Variants in STK38L observed in about 807,000 individuals in gnomAD.
STK38L encodes the protein serine/threonine-protein kinase 38-like.
In STK38L, 28 loss-of-function variants were observed where a neutral mutation model predicts 59.7. The ratio of observed to expected loss-of-function variants is 0.47; its 90% CI spans 0.35 to 0.64. The LOEUF (loss-of-function observed/expected upper bound fraction) is 0.64, where lower values mean the gene tolerates loss of function less well. STK38L is among the 30% of genes least tolerant of loss of function. STK38L has a pLI of 0.01. For synonymous variants in STK38L, 162 were observed against 176.8 expected (o/e 0.92, Z 0.66); for missense variants, 314 against 555.8 (o/e 0.56, Z 4.37).
chr12:27,309,224 T>C (rs1357480694), intron 5 of STK38L, 27 bp downstream of exon 5: 2 of 1,523,524 alleles, frequency 1.3e-6, no homozygotes, highest in Non-Finnish European at 8.9e-7. Flanking sequence ...ACATGTAATA[T>C]AAAGGAGCAT....
chr12:27,309,026 A>C, intron 4 of STK38L, 88 bp from the exon 5 acceptor site: 1 of 719,776 alleles, frequency 1.4e-6, no homozygotes, highest in Non-Finnish European at 1.9e-6. Context: ...CAACACTGGC[A>C]AATTCCTGCT....
At chr12:27,268,636 T>C (rs1407032871) in intron 1 of STK38L, among the ~76,000 whole-genome samples, 3 of 152,208 alleles carry the variant, frequency 2.0e-5, no homozygotes, top group Admixed American at 1.3e-4. Context: ...ATATACCCAG[T>C]AATGGGATTG....
chr12:27,298,792 G>C (rs1944093379), intron 2 of STK38L, among the ~76,000 whole-genome samples: 1 of 152,166 alleles, frequency 6.6e-6, no homozygotes, highest in South Asian at 2.1e-4. Context: ...ACCAGGTCAG[G>C]CAGTGTCCAA....
rs1254920881 is a variant in STK38L at position 27,317,465 on chromosome 12, CA to C, written c.955+13del. On this transcript the variant is annotated intron_variant, in intron 10 of 13. Transcript: ENST00000389032. ...TGAAATGCTAATAGGTATGTTTTATCATTCATTTATGTACAAAATATATACA... is the reference window on the plus strand; with the variant it reads ...TGAAATGCTAATAGGTATGTTTTATCTTCATTTATGTACAAAATATATACA... 6 of 1,562,420 alleles carry C rather than the reference CA, an allele frequency of 3.8e-6. No homozygotes were observed. The Admixed American group carries it at 1.1e-4, about 28-fold the overall frequency.
intron 1 of STK38L, among the ~76,000 whole-genome samples, chr12:27,259,854 TTA>T: frequency 6.6e-6 from 1 of 152,354 alleles, no homozygotes; most frequent in South Asian, 2.1e-4. Flanking sequence ...GGCATCCATG[TTA>T]TGTGTCCCTC....
intron 1 of STK38L, among the ~76,000 whole-genome samples, chr12:27,287,591 A>G (rs1943801979): frequency 6.6e-6 from 1 of 152,170 alleles, no homozygotes; most frequent in Admixed American, 6.5e-5. Context: ...AAGATCCAGT[A>G]GTTATCCATC....
intron 1 of STK38L, among the ~76,000 whole-genome samples, chr12:27,260,920 T>C (rs1336147626): frequency 2.0e-5 from 3 of 152,218 alleles, no homozygotes; most frequent in Non-Finnish European, 4.4e-5. Flanking sequence ...TAGACTTCTG[T>C]TGTTGAGAGC....
Position 27,257,092 on chromosome 12 carries a change from A to G in STK38L, c.-12+12760A>G, listed in dbSNP as rs536701647. 7.2e-5 allele frequency among the ~76,000 whole-genome samples: 11 copies of G among 152,346 alleles called. No individual in the cohort carries two copies. The South Asian group carries it at 2.3e-3, about 32-fold the overall frequency. ...TTACGGGAATTTACTTATAGTTAGC[A>G]AGTGATGGAGAGACTGACACAAAAC... On this transcript the variant is annotated intron_variant, in intron 1 of 13. Coordinates refer to ENST00000389032, the MANE Select transcript of STK38L (RefSeq NM_015000.4).
chr12:27,303,574 A>ATTG (rs1944233049), intron 3 of STK38L, among the ~76,000 whole-genome samples: 1 of 152,190 alleles, frequency 6.6e-6, no homozygotes, highest in South Asian at 2.1e-4. Context: ...ATAAACAAAT[A>ATTG]ATGGCTTTTG....
chr12:27,291,030 A>G (rs776517695), intron 1 of STK38L, among the ~76,000 whole-genome samples: 1 of 152,122 alleles, frequency 6.6e-6, no homozygotes, highest in African/African-American at 2.4e-5. Flanking sequence ...AGCATAATCT[A>G]TCCGAAGTGC....
chr12:27,275,482 C>T (rs1274375196), intron 1 of STK38L, among the ~76,000 whole-genome samples: 1 of 151,912 alleles, frequency 6.6e-6, no homozygotes, highest in African/African-American at 2.4e-5. Context: ...GGATTACAGG[C>T]ACCTGCCACC....
intron 1 of STK38L, among the ~76,000 whole-genome samples, chr12:27,258,055 C>T (rs1252856944): frequency 6.6e-6 from 1 of 151,828 alleles, no homozygotes; most frequent in African/African-American, 2.4e-5. Context: ...TGGGGTTTTA[C>T]CATGTTGGCT....
At chr12:27,261,362 A>C (rs1943200865) in intron 1 of STK38L, among the ~76,000 whole-genome samples, 1 of 152,218 alleles carries the variant, frequency 6.6e-6, no homozygotes, top group Non-Finnish European at 1.5e-5. Context: ...GTCCCATTTC[A>C]TCAAATCTCA....
intron 1 of STK38L, among the ~76,000 whole-genome samples, chr12:27,286,464 A>T (rs1266132438): frequency 6.6e-6 from 1 of 152,216 alleles, no homozygotes. Flanking sequence ...TTGTACTTGA[A>T]AATAGAACTT....
intron 1 of STK38L, among the ~76,000 whole-genome samples, chr12:27,277,341 C>T (rs1943558101): frequency 8.8e-6 from 1 of 113,516 alleles, no homozygotes. Flanking sequence ...AGAGCAAGAC[C>T]TCCATCTCAA....
Position 27,323,111 on chromosome 12 carries a change from C to T in STK38L, c.*656C>T, listed in dbSNP as rs181521480. ...ATAATAAGGAAGACAAAGTTTAACA[C>T]CTTCACTCAAGCACTCCACTAATAT... On this transcript the variant is annotated 3_prime_UTR_variant, in exon 14 of 14. Coordinates refer to ENST00000389032, the MANE Select transcript of STK38L (RefSeq NM_015000.4). 4 of 152,186 alleles carry T rather than the reference C, an allele frequency of 2.6e-5. No homozygotes were observed. Among genetic ancestry groups the T allele is most frequent in the Non-Finnish European group, 4.4e-5 (3 of 68,022 alleles). 9.4% of individuals were successfully genotyped at this position (152,186 alleles called of 1,614,324 possible).
chr12:27,305,152 A>C (rs1944278578), intron 3 of STK38L, among the ~76,000 whole-genome samples: 1 of 152,230 alleles, frequency 6.6e-6, no homozygotes, highest in South Asian at 2.1e-4. Context: ...GTTTTTCCAG[A>C]GAAGCTAGTA....
At position 27,320,994 on chromosome 12, in the gene STK38L, GCTTAGAGA is replaced by G. The variant is rs528817769; in HGVS notation, c.1176-1146_1176-1139del. Among the ~76,000 whole-genome samples the G allele has an allele frequency of 1.6e-4, 25 of 152,218 alleles. No homozygotes were observed. In the South Asian group the frequency reaches 4.8e-3, roughly 29 times the overall value. On this transcript the variant is annotated intron_variant, in intron 12 of 13. Transcript: ENST00000389032. ...CCCTCCCTTTTACAGTGGGAAGGAT[GCTTAGAGA>G]CTGCCAGTTCTTTTGGTTTTATAAT...
At chr12:27,282,976 A>G (rs955774966) in intron 1 of STK38L, among the ~76,000 whole-genome samples, 4 of 152,214 alleles carry the variant, frequency 2.6e-5, no homozygotes, top group African/African-American at 9.7e-5. Context: ...TTTCTCTTCT[A>G]TAAATCAGAA....
Sources: allele counts gnomAD v4.1 joint callset (sites outside exome capture counted in the v4.1 genomes callset), GRCh38; gene constraint gnomAD v4.1.1; transcripts MANE v1.5; gene names NCBI Gene and HGNC (gene_info 2026-07-23, HGNC 2026-07-21).